Variants in LRIG1 observed in about 807,000 individuals in gnomAD.
LRIG1 encodes the protein leucine rich repeats and immunoglobulin like domains 1, also known as leucine-rich repeats and immunoglobulin-like domains protein 1.
LRIG1 carries 48 observed loss-of-function variants against 99.2 expected under a neutral mutation model. The ratio of observed to expected loss-of-function variants is 0.48; its 90% CI spans 0.38 to 0.62. The LOEUF (loss-of-function observed/expected upper bound fraction) is 0.62, where lower values mean the gene tolerates loss of function less well. Ranked by LOEUF, LRIG1 falls within the 20% of genes least tolerant of loss-of-function variation. LRIG1 has a pLI of 0.00. For missense variants in LRIG1, 1,646 were observed against 1,434.4 expected, an observed-to-expected ratio of 1.15 and a Z score of -2.38; for synonymous variants, 772 against 596.1, an observed-to-expected ratio of 1.29 and a Z score of -4.30.
At chr3:66,492,794 G>A (rs916822741) in intron 1 of LRIG1, among the ~76,000 whole-genome samples, 2 of 152,128 alleles carry the variant, frequency 1.3e-5, no homozygotes, top group African/African-American at 2.4e-5. Flanking sequence ...GGGCCTTACC[G>A]GTTATGCTAG....
chr3:66,477,758 C>G (rs1365898522), intron 1 of LRIG1, among the ~76,000 whole-genome samples: 1 of 152,046 alleles, frequency 6.6e-6, no homozygotes, highest in African/African-American at 2.4e-5. Flanking sequence ...TGTAAAATCA[C>G]GCATAGGTGT....
chr3:66,488,262 T>C (rs1252396725), intron 1 of LRIG1, among the ~76,000 whole-genome samples: 1 of 151,992 alleles, frequency 6.6e-6, no homozygotes, highest in Non-Finnish European at 1.5e-5. Context: ...AGGTAACCAA[T>C]GCAAACCTAG....
In LRIG1 at chr3:66,384,153, C is replaced by A. The variant is rs1701248869; in HGVS notation, c.1909G>T (p.Gly637Cys). The part of the protein sequence containing the change: ...NPQIAWQKDG[G>C]TDFPAARERR... Reference sequence around the variant, plus strand: ...TCACGGGCAGCGGGGAAATCCGTGCCTCCATCCTTCTGCCAGGCAATCTGA... The same window carrying A: ...TCACGGGCAGCGGGGAAATCCGTGCATCCATCCTTCTGCCAGGCAATCTGA... Residue 637 changes from glycine (G) to cysteine (C), a missense_variant, in exon 14 of 19, where the codon GGC (glycine) becomes TGC (cysteine). Physicochemically the swap from Gly to Cys is radical, Grantham distance 159 (BLOSUM62 -3). Coordinates refer to ENST00000273261, the MANE Select transcript of LRIG1 (RefSeq NM_015541.3). 1.9e-6 allele frequency: 3 copies of A among 1,614,200 alleles called. No individual in the cohort carries two copies. Among genetic ancestry groups the A allele is most frequent in the Non-Finnish European group, 2.5e-6 (3 of 1,180,040 alleles).
chr3:66,416,857 G>GCC (rs1702630194), intron 4 of LRIG1, among the ~76,000 whole-genome samples: 1 of 152,240 alleles, frequency 6.6e-6, no homozygotes, highest in Admixed American at 6.5e-5. Flanking sequence ...TTGAGTCCTA[G>GCC]ACTCTCGTCT....
chr3:66,380,969 G>GCAAA, intron 17 of LRIG1, 108 bp from the exon 18 acceptor site: 2 of 1,125,494 alleles, frequency 1.8e-6, no homozygotes, highest in East Asian at 4.8e-5. Flanking sequence ...AACCCTGACT[G>GCAAA]CAAACACTGT....
intron 3 of LRIG1, among the ~76,000 whole-genome samples, chr3:66,423,476 C>A (rs1304570682): frequency 6.6e-6 from 1 of 152,164 alleles, no homozygotes; most frequent in East Asian, 1.9e-4. Context: ...GAGGCTGAGG[C>A]AGGAGAATTG....
intron 13 of LRIG1, 61 bp from the exon 14 acceptor site, chr3:66,384,333 C>T (rs776917146): frequency 6.5e-7 from 1 of 1,542,684 alleles, no homozygotes; most frequent in East Asian, 2.3e-5. Context: ...ACCAGGAAGT[C>T]CTCTGGCAAA....
intron 16 of LRIG1, 88 bp from the exon 17 acceptor site, chr3:66,381,719 C>G (rs145273719): frequency 9.7e-6 from 14 of 1,448,488 alleles, no homozygotes; most frequent in African/African-American, 1.4e-5. Context: ...GCCGCTAGAA[C>G]AGTCATTTTT....
chr3:66,392,052 T>C (rs1041615349), intron 12 of LRIG1, among the ~76,000 whole-genome samples: 2 of 152,212 alleles, frequency 1.3e-5, no homozygotes, highest in African/African-American at 4.8e-5. Context: ...TGGAATCATA[T>C]AATCTAATGG....
At position 66,380,856 on chromosome 3, in the gene LRIG1, C is replaced by T. The variant is rs9877201; in HGVS notation, c.2776G>A (p.Gly926Ser). 41,565 of 1,613,588 alleles carry T rather than the reference C, an allele frequency of 0.026. 4,945 individuals carry two copies. The African/African-American group carries it at 0.35, about 14-fold the overall frequency. ...GTPGPHKMEH[G>S]GRVVCSDCNT... ...CAGTCACTGCATACGACCCGGCCACCGTGTTCTGAAGGACAGCGCCAAAGA... is the reference window on the plus strand; with the variant it reads ...CAGTCACTGCATACGACCCGGCCACTGTGTTCTGAAGGACAGCGCCAAAGA... The change falls in exon 18 of 19, where the codon GGT becomes AGT. Residue 926 changes from glycine to serine, a missense_variant. Physicochemically the swap from Gly to Ser is moderately conservative, Grantham distance 56. Coordinates refer to ENST00000273261, the MANE Select transcript of LRIG1 (RefSeq NM_015541.3).
Position 66,442,214 on chromosome 3 carries a change from T to C in LRIG1, c.365+9345A>G, listed in dbSNP as rs139704167. ...ATATTCCCTATGTATGGCCCAACAATGACAGGCCTTATGAAGGAAAGGCCC... is the reference window on the plus strand; with the variant it reads ...ATATTCCCTATGTATGGCCCAACAACGACAGGCCTTATGAAGGAAAGGCCC... On this transcript the variant is annotated intron_variant, in intron 3 of 18. Coordinates refer to ENST00000273261, the MANE Select transcript of LRIG1 (RefSeq NM_015541.3). 1.1e-4 allele frequency among the ~76,000 whole-genome samples: 17 copies of C among 152,280 alleles called. No individual in the cohort carries two copies. In the East Asian group the frequency reaches 3.3e-3, roughly 29 times the overall value.
At chr3:66,458,047 C>A (rs1700269895) in intron 2 of LRIG1, among the ~76,000 whole-genome samples, 1 of 152,244 alleles carries the variant, frequency 6.6e-6, no homozygotes, top group African/African-American at 2.4e-5. Context: ...GCTTTACCAA[C>A]CATGTGACAC....
intron 1 of LRIG1, among the ~76,000 whole-genome samples, chr3:66,481,449 G>T (rs1214422775): frequency 1.3e-5 from 2 of 152,054 alleles, no homozygotes; most frequent in East Asian, 3.9e-4. Context: ...AGCCGACATT[G>T]TCCCTAGGGT....
In LRIG1 at chr3:66,462,061, C is replaced by T. The variant is rs531373015; in HGVS notation, c.290+377G>A. ...GAGTTCGAGACCAGCCTGGCCAACA[C>T]GGCAAAATCTCATCTCTACTAAAAA... On this transcript the variant is annotated intron_variant, in intron 2 of 18. Transcript: ENST00000273261. 8.5e-5 allele frequency among the ~76,000 whole-genome samples: 13 copies of T among 152,242 alleles called. 1 individual carries two copies. In the South Asian group the frequency reaches 2.5e-3, roughly 29 times the overall value.
chr3:66,394,289 A>G, intron 11 of LRIG1, 86 bp from the exon 12 acceptor site: 1 of 1,180,972 alleles, frequency 8.5e-7, no homozygotes, highest in Non-Finnish European at 1.2e-6. Flanking sequence ...AGTCGCCTCC[A>G]ATCAGCTTCT....
chr3:66,397,401 T>C (rs1283134849), intron 11 of LRIG1, among the ~76,000 whole-genome samples: 1 of 147,006 alleles, frequency 6.8e-6, no homozygotes, highest in Non-Finnish European at 1.5e-5. Context: ...AGGGAACTGA[T>C]ATCATGGCTA....
intron 12 of LRIG1, chr3:66,387,432 CAG>C (rs1701431035): frequency 6.6e-6 from 1 of 152,018 alleles, no homozygotes; most frequent in African/African-American, 2.4e-5. Flanking sequence ...GGATAGGAGA[CAG>C]TGGTTGTGGT....
intron 3 of LRIG1, among the ~76,000 whole-genome samples, chr3:66,433,608 A>G (rs993510373): frequency 6.6e-6 from 1 of 152,222 alleles, no homozygotes; most frequent in Admixed American, 6.5e-5. Context: ...GCCCCAACTG[A>G]AAGACTTTGA....
At chr3:66,482,072 CCCTGGCCACAGACCGGGCAG>C (rs1440891777) in intron 1 of LRIG1, among the ~76,000 whole-genome samples, 1 of 152,236 alleles carries the variant, frequency 6.6e-6, no homozygotes, top group Non-Finnish European at 1.5e-5. Flanking sequence ...GTACCAGGCA[CCCTGGCCACAGACCGGGCAG>C]CCTGGGCACA....
Sources: gnomAD v4.1 joint callset for allele counts (sites outside exome capture counted in the v4.1 genomes callset) on GRCh38, gnomAD v4.1.1 for gene constraint, MANE v1.5 for transcripts, NCBI Gene and HGNC (gene_info 2026-07-23, HGNC 2026-07-21) for gene names.